Variants in FOXP1 observed in about 807,000 individuals in gnomAD.
FOXP1 encodes the protein forkhead box protein P1.
Under a neutral mutation model 98.2 loss-of-function variants are expected in FOXP1, and 15 were observed. The ratio of observed to expected loss-of-function variants is 0.15; its 90% CI spans 0.10 to 0.24. The LOEUF (loss-of-function observed/expected upper bound fraction) is 0.24, where lower values mean the gene tolerates loss of function less well. Ranked by LOEUF, FOXP1 falls within the 10% of genes least tolerant of loss-of-function variation. The probability of loss-of-function intolerance (pLI) is 1.00; values close to 1 mark genes in which losing one functional copy is unlikely to be tolerated. For synonymous variants in FOXP1, 371 were observed against 314.5 expected (o/e 1.18, Z -1.90); for missense variants, 633 against 848.5 (o/e 0.75, Z 3.15).
chr3:71,294,392 C>A (rs1036315833), intron 5 of FOXP1, among the ~76,000 whole-genome samples: 1 of 152,158 alleles, frequency 6.6e-6, no homozygotes, highest in African/African-American at 2.4e-5. Context: ...ATTCCCGACA[C>A]CCTGGACTCC....
intron 5 of FOXP1, among the ~76,000 whole-genome samples, chr3:71,284,517 C>A (rs2071905474): frequency 6.6e-6 from 1 of 152,128 alleles, no homozygotes; most frequent in Non-Finnish European, 1.5e-5. Context: ...GAGCTATAAT[C>A]ATCACTACAA....
rs186302805 is a variant in FOXP1 at position 70,997,354 on chromosome 3, A to G, written c.1062+3618T>C. Among the ~76,000 whole-genome samples the G allele has an allele frequency of 4.9e-3, 749 of 152,334 alleles. 6 individuals are homozygous for G. The highest frequency in any genetic ancestry group is 0.016 in the African/African-American group (659 of 41,560). The stretch of plus-strand genomic sequence containing the variant: ...TATGTTAAGTGGCAAATGCAACAGC[A>G]CAAACCTAGCAATGCTGAACTGCGG... On this transcript the variant is annotated intron_variant, in intron 13 of 20. Coordinates refer to ENST00000649528, the MANE Select transcript of FOXP1 (RefSeq NM_001349338.3).
At chr3:71,336,211 TCTA>T (rs1255637380) in intron 4 of FOXP1, among the ~76,000 whole-genome samples, 2 of 152,100 alleles carry the variant, frequency 1.3e-5, no homozygotes, top group Non-Finnish European at 2.9e-5. Context: ...TAAATTGAAA[TCTA>T]CTAACATGTT....
intron 7 of FOXP1, among the ~76,000 whole-genome samples, chr3:71,061,066 G>A (rs2051400656): frequency 6.6e-6 from 1 of 152,076 alleles, no homozygotes. Context: ...AATCTGCAAA[G>A]GCTTGTTTAG....
At chr3:71,471,050 T>C (rs1408214174) in intron 3 of FOXP1, among the ~76,000 whole-genome samples, 2 of 152,226 alleles carry the variant, frequency 1.3e-5, no homozygotes, top group Admixed American at 1.3e-4. Flanking sequence ...ATCTGCTACA[T>C]TAAATATTAA....
chr3:71,035,994 T>A (rs2047528271), intron 11 of FOXP1, among the ~76,000 whole-genome samples: 1 of 151,832 alleles, frequency 6.6e-6, no homozygotes, highest in Non-Finnish European at 1.5e-5. Context: ...GAAAAAAAAA[T>A]GCAACACTAG....
chr3:70,988,786 C>G (rs150978834), intron 13 of FOXP1, among the ~76,000 whole-genome samples: 1 of 152,368 alleles, frequency 6.6e-6, no homozygotes, highest in Non-Finnish European at 1.5e-5. Context: ...ATCCTTTATG[C>G]TTCGCTTGGA....
chr3:71,314,071 T>C (rs2074900848), intron 4 of FOXP1, among the ~76,000 whole-genome samples: 1 of 152,174 alleles, frequency 6.6e-6, no homozygotes, highest in African/African-American at 2.4e-5. Flanking sequence ...TTATTTGCTT[T>C]TGTAGAATAA....
chr3:71,301,781 C>T (rs373680178), intron 4 of FOXP1, among the ~76,000 whole-genome samples: 1 of 152,272 alleles, frequency 6.6e-6, no homozygotes, highest in African/African-American at 2.4e-5. Flanking sequence ...GCATTTGAAC[C>T]TGCGGAACAC....
At chr3:71,241,519 A>C (rs1054875618) in intron 5 of FOXP1, among the ~76,000 whole-genome samples, 8 of 152,188 alleles carry the variant, frequency 5.3e-5, no homozygotes, top group Non-Finnish European at 1.0e-4. Flanking sequence ...AAGATAATGA[A>C]TCCTTTAAAT....
chr3:71,344,060 T>C (rs970029914), intron 4 of FOXP1, among the ~76,000 whole-genome samples: 1 of 152,264 alleles, frequency 6.6e-6, no homozygotes, highest in Non-Finnish European at 1.5e-5. Context: ...ATCTGGGCAC[T>C]ATCCCACAGT....
chr3:71,063,203 A>C (rs751442160), intron 7 of FOXP1, among the ~76,000 whole-genome samples: 2 of 152,230 alleles, frequency 1.3e-5, no homozygotes, highest in Non-Finnish European at 2.9e-5. Context: ...TTTTCACTGA[A>C]ATGTGTCAGG....
At chr3:71,302,510 A>G (rs2073930586) in intron 4 of FOXP1, among the ~76,000 whole-genome samples, 1 of 111,250 alleles carries the variant, frequency 9.0e-6, no homozygotes, top group South Asian at 3.4e-4. Context: ...CAAAGCTTTT[A>G]TGTAAAAAAA....
chr3:71,355,119 T>C (rs2078062614), intron 4 of FOXP1, among the ~76,000 whole-genome samples: 1 of 152,226 alleles, frequency 6.6e-6, no homozygotes, highest in Non-Finnish European at 1.5e-5. Flanking sequence ...ATTTTATTCC[T>C]ACAATAAAGG....
At chr3:71,382,612 T>C (rs1428583891) in intron 3 of FOXP1, among the ~76,000 whole-genome samples, 2 of 152,194 alleles carry the variant, frequency 1.3e-5, no homozygotes, top group Middle Eastern at 3.2e-3. Flanking sequence ...ATCTACAGCT[T>C]GACAGTTGCT....
intron 2 of FOXP1, among the ~76,000 whole-genome samples, chr3:71,504,534 A>T (rs1050320193): frequency 6.6e-6 from 1 of 152,244 alleles, no homozygotes; most frequent in African/African-American, 2.4e-5. Flanking sequence ...ATTAAAAAAT[A>T]AAACCAAACT....
chr3:71,577,663 G>C (rs1053521627), intron 2 of FOXP1, among the ~76,000 whole-genome samples: 4 of 152,014 alleles, frequency 2.6e-5, no homozygotes, highest in Admixed American at 6.6e-5. Flanking sequence ...CTGCAGAGTA[G>C]AGTAACAAAT....
At chr3:71,147,062 C>T (rs992860346) in intron 6 of FOXP1, among the ~76,000 whole-genome samples, 2 of 152,194 alleles carry the variant, frequency 1.3e-5, no homozygotes, top group Non-Finnish European at 2.9e-5. Context: ...AATTACCTGG[C>T]GTTTCAGCCA....
intron 11 of FOXP1, among the ~76,000 whole-genome samples, chr3:71,038,093 G>A (rs1410049792): frequency 1.3e-5 from 2 of 152,244 alleles, no homozygotes; most frequent in Admixed American, 6.5e-5. Flanking sequence ...TGCAGTGGCT[G>A]CTCACAGGAG....
Sources: allele counts gnomAD v4.1 joint callset (sites outside exome capture counted in the v4.1 genomes callset), GRCh38; gene constraint gnomAD v4.1.1; transcripts MANE v1.5; gene names NCBI Gene and HGNC (gene_info 2026-07-23, HGNC 2026-07-21).